The following CFAP57 variants were observed in gnomAD, a reference collection of about 807,000 sequenced individuals.
The protein encoded by CFAP57 is cilia and flagella associated protein 57.
CFAP57 carries 116 observed loss-of-function variants against 146.8 expected under a neutral mutation model. The ratio of observed to expected loss-of-function variants is 0.79; its 90% CI spans 0.68 to 0.92. CFAP57 has a LOEUF of 0.92. Among genes scored for constraint, CFAP57 ranks in the 40% least tolerant of loss-of-function variants. The pLI is 0.00. For synonymous variants in CFAP57, 518 were observed against 552.8 expected, an observed-to-expected ratio of 0.94 and a Z score of 0.88; for missense variants, 1,377 against 1,527.2, an observed-to-expected ratio of 0.90 and a Z score of 1.64.
intron 22 of CFAP57, among the ~76,000 whole-genome samples, chr1:43,252,726 G>A (rs1032903188): frequency 6.6e-6 from 1 of 152,106 alleles, no homozygotes; most frequent in African/African-American, 2.4e-5. Flanking sequence ...AAAGGAATTT[G>A]AAAATAAGAC....
intron 9 of CFAP57, among the ~76,000 whole-genome samples, chr1:43,204,306 T>C (rs1344524807): frequency 6.6e-6 from 1 of 152,252 alleles, no homozygotes; most frequent in Admixed American, 6.5e-5. Flanking sequence ...TTTGAAGTCT[T>C]TGTCCGCAAA....
At chr1:43,228,143 C>T (rs971446824) in intron 18 of CFAP57, among the ~76,000 whole-genome samples, 2 of 152,176 alleles carry the variant, frequency 1.3e-5, no homozygotes, top group Non-Finnish European at 2.9e-5. Context: ...AAGTCCCAGT[C>T]AGGCCCACAA....
At chr1:43,221,241 A>C (rs758720139) in intron 13 of CFAP57, 131 bp from the exon 14 acceptor site, 17 of 562,012 alleles carry the variant, frequency 3.0e-5, no homozygotes, top group Non-Finnish European at 5.3e-5. Flanking sequence ...TTCATAGAAC[A>C]GTGCTTGGTG....
At chr1:43,235,425 C>A (rs1210483482) in intron 21 of CFAP57, among the ~76,000 whole-genome samples, 1 of 152,178 alleles carries the variant, frequency 6.6e-6, no homozygotes, top group Non-Finnish European at 1.5e-5. Context: ...AAGCACGTAC[C>A]TTTTTATGTT....
chr1:43,198,562 G>T lies in CFAP57; in HGVS notation c.1344G>T (p.Gly448=). The T allele has an allele frequency of 1.2e-6, 2 of 1,614,060 alleles. No homozygotes were observed. The highest frequency in any genetic ancestry group is 1.7e-6 in the Non-Finnish European group (2 of 1,179,982). Residue 448 remains glycine (G), a synonymous_variant, in exon 8 of 23, where the codon GGG becomes GGT. Coordinates refer to ENST00000372492, the MANE Select transcript of CFAP57 (RefSeq NM_001378189.1). ...CATCTGGACACTTCATTGTAGTAGGGTTTGCTGACAAACTACGCCTCATGA... is the reference window on the plus strand; with the variant it reads ...CATCTGGACACTTCATTGTAGTAGGTTTTGCTGACAAACTACGCCTCATGA... ...LHPSGHFIVV[G]FADKLRLMNL... is the part of the protein sequence containing the mutation.
intron 18 of CFAP57, chr1:43,232,015 C>T (rs1441763287): frequency 4.4e-6 from 3 of 684,452 alleles, no homozygotes; most frequent in Non-Finnish European, 8.0e-6. Flanking sequence ...CTGTTTTATG[C>T]CTTAGATGGG....
intron 13 of CFAP57, among the ~76,000 whole-genome samples, chr1:43,220,703 G>A (rs1002467915): frequency 3.3e-5 from 5 of 152,004 alleles, no homozygotes; most frequent in Admixed American, 1.3e-4. Flanking sequence ...CAGCTTGGAT[G>A]ACAGAGCGAG....
At chr1:43,250,771 G>T (rs1646305000) in intron 22 of CFAP57, among the ~76,000 whole-genome samples, 1 of 151,926 alleles carries the variant, frequency 6.6e-6, no homozygotes, top group South Asian at 2.1e-4. Context: ...CCACTGTCTG[G>T]TACCCAAAAG....
intron 4 of CFAP57, among the ~76,000 whole-genome samples, chr1:43,184,158 TC>T (rs1382208395): frequency 6.6e-6 from 1 of 152,208 alleles, no homozygotes; most frequent in Admixed American, 6.5e-5. Flanking sequence ...AAATATATTT[TC>T]CAGTGGCTAA....
At chr1:43,231,456 G>A (rs1463559468) in intron 18 of CFAP57, among the ~76,000 whole-genome samples, 2 of 152,200 alleles carry the variant, frequency 1.3e-5, no homozygotes, top group African/African-American at 2.4e-5. Flanking sequence ...GTCATTAGGA[G>A]TTAGGTCAAT....
At chr1:43,181,458 C>T (rs2124269484) in intron 2 of CFAP57, 76 bp from the exon 3 acceptor site, 1 of 1,561,406 alleles carries the variant, frequency 6.4e-7, no homozygotes, top group Admixed American at 1.7e-5. Flanking sequence ...CAGTGCCCAC[C>T]ACAGTGCCTG....
chr1:43,227,250 T>G lies in CFAP57; in HGVS notation c.3009+124T>G, dbSNP rs2124584773. The G allele has an allele frequency of 3.4e-6, 4 of 1,191,626 alleles. No homozygotes were observed. The East Asian group carries it at 8.7e-5, about 26-fold the overall frequency. The allele number at this position is 1,191,626 out of a possible 1,614,324, so 73.8% of individuals were successfully genotyped here. ...CAGTCCTCTCTGCTCCCAAGGTGTG[T>G]GCAGCCTCCAGTCCACAGGGGTGCA... On this transcript the variant is annotated intron_variant, in intron 18 of 22. Coordinates refer to ENST00000372492, the MANE Select transcript of CFAP57 (RefSeq NM_001378189.1).
chr1:43,220,418 A>G (rs1286129386), intron 13 of CFAP57, among the ~76,000 whole-genome samples: 3 of 152,126 alleles, frequency 2.0e-5, no homozygotes, highest in Admixed American at 6.5e-5. Flanking sequence ...GTTCTACACA[A>G]ATCTGGACTC....
intron 21 of CFAP57, among the ~76,000 whole-genome samples, chr1:43,236,277 G>A (rs998724625): frequency 6.6e-5 from 10 of 151,988 alleles, no homozygotes; most frequent in Non-Finnish European, 1.2e-4. Flanking sequence ...CAGGGGGTGC[G>A]GGTCTCCGGG....
At chr1:43,199,117 A>G (rs1056108770) in intron 8 of CFAP57, among the ~76,000 whole-genome samples, 55 of 152,180 alleles carry the variant, frequency 3.6e-4, no homozygotes, top group African/African-American at 1.3e-3. Flanking sequence ...GCTCTGAAAC[A>G]TGCTTCTACA....
chr1:43,249,421 CT>C (rs60189164), intron 22 of CFAP57, among the ~76,000 whole-genome samples: 211 of 67,918 alleles, frequency 3.1e-3, no homozygotes, highest in South Asian at 0.017. Context: ...TTAACCATTT[CT>C]TTTTTTTTTT....
At chr1:43,235,185 A>G (rs756321486) in intron 21 of CFAP57, among the ~76,000 whole-genome samples, 24 of 152,004 alleles carry the variant, frequency 1.6e-4, no homozygotes, top group East Asian at 5.8e-4. Flanking sequence ...GTTAGCCACA[A>G]CGTCCCAGAG....
intron 22 of CFAP57, among the ~76,000 whole-genome samples, chr1:43,247,755 C>T (rs1285390073): frequency 6.6e-6 from 1 of 152,200 alleles, no homozygotes; most frequent in East Asian, 1.9e-4. Flanking sequence ...CTACATATGA[C>T]TTACACAGAC....
At chr1:43,209,622 A>T (rs1232543162) in intron 10 of CFAP57, 121 bp from the exon 11 acceptor site, 1 of 1,027,428 alleles carries the variant, frequency 9.7e-7, no homozygotes, top group Non-Finnish European at 1.5e-6. Context: ...GGGATAGAAA[A>T]AGCATTTTTT....
Sources: gnomAD v4.1 joint callset for allele counts (sites outside exome capture counted in the v4.1 genomes callset) on GRCh38, gnomAD v4.1.1 for gene constraint, MANE v1.5 for transcripts, NCBI Gene and HGNC (gene_info 2026-07-23, HGNC 2026-07-21) for gene names.